The following ENOX1 variants were observed in gnomAD, a reference collection of about 807,000 sequenced individuals.
The protein encoded by ENOX1 is ecto-NOX disulfide-thiol exchanger 1.
A neutral mutation model predicts 82.5 loss-of-function variants in ENOX1; 42 were observed. The ratio of observed to expected loss-of-function variants is 0.51; its 90% CI spans 0.40 to 0.66. ENOX1 has a LOEUF of 0.66. Among genes scored for constraint, ENOX1 ranks in the 30% least tolerant of loss-of-function variants. The probability of loss-of-function intolerance (pLI) is 0.00; values close to 1 mark genes in which losing one functional copy is unlikely to be tolerated. For missense variants in ENOX1, 608 were observed against 811.6 expected (o/e 0.75, Z 3.05); for synonymous variants, 271 against 282.2 (o/e 0.96, Z 0.40).
At chr13:43,396,943 G>A (rs546855955) in intron 5 of ENOX1, among the ~76,000 whole-genome samples, 30 of 152,310 alleles carry the variant, frequency 2.0e-4, no homozygotes, top group South Asian at 8.3e-4. Flanking sequence ...CTTTGCCACC[G>A]TGTGATAGAG....
intron 2 of ENOX1, among the ~76,000 whole-genome samples, chr13:43,603,537 C>G (rs180775762): frequency 0.054 from 7,465 of 137,246 alleles, 291 homozygotes; most frequent in Admixed American, 0.094. Context: ...TCCCTCCCCC[C>G]TCCCCCCACC....
intron 3 of ENOX1, among the ~76,000 whole-genome samples, chr13:43,466,458 T>C (rs1432571490): frequency 6.6e-6 from 1 of 152,114 alleles, no homozygotes; most frequent in African/African-American, 2.4e-5. Flanking sequence ...CAGCATTTAC[T>C]CCTCAAATGG....
rs1167268524 is a variant in ENOX1 at position 43,398,767 on chromosome 13, G to T, written c.208+13149C>A. Among the ~76,000 whole-genome samples the T allele has an allele frequency of 7.3e-5, 11 of 150,162 alleles. No individual in the cohort carries two copies. In the Admixed American group the frequency reaches 7.3e-4, roughly 10 times the overall value. ...TTATGATGATCCACTTCTGCTTGAT[G>T]AATAGTAAATGTATTTTCCCTTATC... On this transcript the variant is annotated intron_variant, in intron 5 of 16. Transcript: ENST00000690772.
intron 16 of ENOX1, among the ~76,000 whole-genome samples, chr13:43,214,658 C>G (rs2041371084): frequency 1.3e-5 from 2 of 152,182 alleles, no homozygotes; most frequent in Non-Finnish European, 2.9e-5. Flanking sequence ...TACAACAATA[C>G]AAGTCTTGAT....
chr13:43,354,568 A>C (rs2050027726), intron 8 of ENOX1, among the ~76,000 whole-genome samples: 1 of 152,000 alleles, frequency 6.6e-6, no homozygotes, highest in African/African-American at 2.4e-5. Flanking sequence ...GAAAACATCC[A>C]ATCCACTTTA....
chr13:43,260,867 G>A (rs1015217622), intron 14 of ENOX1, among the ~76,000 whole-genome samples: 3 of 152,162 alleles, frequency 2.0e-5, no homozygotes, highest in African/African-American at 7.2e-5. Flanking sequence ...TGGAATAAAG[G>A]TTAGTTTTAA....
At chr13:43,617,961 T>C (rs1261204180) in intron 2 of ENOX1, among the ~76,000 whole-genome samples, 1 of 152,210 alleles carries the variant, frequency 6.6e-6, no homozygotes, top group African/African-American at 2.4e-5. Flanking sequence ...ATTGTGGTTT[T>C]GATTTACATT....
At position 43,546,521 on chromosome 13, in the gene ENOX1, G is replaced by A. The variant is rs1593750781; in HGVS notation, c.-218-62369C>T. On this transcript the variant is annotated intron_variant, in intron 2 of 16. Coordinates refer to ENST00000690772, the MANE Select transcript of ENOX1 (RefSeq NM_001347969.2). The stretch of plus-strand genomic sequence containing the variant: ...TTCCTATGTCACTCTAACTGTAAAG[G>A]GAAACACTGAGACTGCAATCAAATA... 4 of 152,244 alleles carry A rather than the reference G, an allele frequency of 2.6e-5. No homozygotes were observed. The South Asian group carries it at 8.3e-4, about 32-fold the overall frequency. 9.4% of individuals were successfully genotyped at this position (152,244 alleles called of 1,614,324 possible).
At chr13:43,396,300 A>G (rs1326719872) in intron 5 of ENOX1, among the ~76,000 whole-genome samples, 1 of 152,206 alleles carries the variant, frequency 6.6e-6, no homozygotes, top group Non-Finnish European at 1.5e-5. Flanking sequence ...TGTATGTGTG[A>G]CTGACTCGGT....
intron 2 of ENOX1, among the ~76,000 whole-genome samples, chr13:43,538,084 T>C (rs1387824294): frequency 6.6e-6 from 1 of 152,236 alleles, no homozygotes; most frequent in Non-Finnish European, 1.5e-5. Flanking sequence ...CCTCAGCCTG[T>C]ACCAGGGTTC....
chr13:43,331,188 T>TG (rs2048390536), intron 9 of ENOX1, among the ~76,000 whole-genome samples: 1 of 152,180 alleles, frequency 6.6e-6, no homozygotes, highest in Admixed American at 6.5e-5. Flanking sequence ...CAGGAATGCA[T>TG]GGGAGATGAA....
intron 2 of ENOX1, among the ~76,000 whole-genome samples, chr13:43,605,921 A>G (rs149699621): frequency 2.2e-3 from 332 of 152,320 alleles, no homozygotes; most frequent in African/African-American, 7.1e-3. Flanking sequence ...ACAAGGGATT[A>G]ATAACCAGAA....
chr13:43,542,347 T>G (rs1229303922), intron 2 of ENOX1, among the ~76,000 whole-genome samples: 1 of 151,396 alleles, frequency 6.6e-6, no homozygotes, highest in Non-Finnish European at 1.5e-5. Context: ...TTAGCCAGGA[T>G]GTTCTCCATC....
At chr13:43,478,364 A>G (rs569366578) in intron 3 of ENOX1, among the ~76,000 whole-genome samples, 1 of 152,178 alleles carries the variant, frequency 6.6e-6, no homozygotes, top group East Asian at 1.9e-4. Context: ...TAAAGCTAAT[A>G]TTTATTCTTC....
At chr13:43,214,162 C>T (rs2041335676) in intron 16 of ENOX1, 41 bp from the exon 17 acceptor site, 1 of 1,600,052 alleles carries the variant, frequency 6.2e-7, no homozygotes, top group East Asian at 2.3e-5. Context: ...GAAAGGAACT[C>T]ATCTTAAAGG....
chr13:43,543,390 C>G (rs1170252013), intron 2 of ENOX1, among the ~76,000 whole-genome samples: 4 of 152,046 alleles, frequency 2.6e-5, no homozygotes, highest in South Asian at 2.1e-4. Flanking sequence ...ATAGAGGTAA[C>G]ATTTCATGAA....
intron 5 of ENOX1, among the ~76,000 whole-genome samples, chr13:43,385,650 A>AT (rs1488965678): frequency 1.3e-5 from 2 of 152,122 alleles, no homozygotes; most frequent in South Asian, 4.1e-4. Flanking sequence ...AAATTTTGCC[A>AT]TTTTTTCTTC....
At chr13:43,742,968 A>G (rs1949827317) in intron 1 of ENOX1, among the ~76,000 whole-genome samples, 1 of 152,200 alleles carries the variant, frequency 6.6e-6, no homozygotes, top group African/African-American at 2.4e-5. Context: ...TCCTAGAAAC[A>G]ATTTCTGTTT....
At chr13:43,290,685 C>T (rs559370167) in intron 12 of ENOX1, among the ~76,000 whole-genome samples, 27 of 152,154 alleles carry the variant, frequency 1.8e-4, no homozygotes, top group Non-Finnish European at 2.8e-4. Flanking sequence ...CTCAGCATCA[C>T]GCAATATTCC....
Sources: gnomAD v4.1 joint callset for allele counts (sites outside exome capture counted in the v4.1 genomes callset) on GRCh38, gnomAD v4.1.1 for gene constraint, MANE v1.5 for transcripts, NCBI Gene and HGNC (gene_info 2026-07-23, HGNC 2026-07-21) for gene names.